GRHL2: variants seen among roughly 807,000 people sequenced by gnomAD.
GRHL2 encodes the protein grainyhead like transcription factor 2, also known as grainyhead-like protein 2 homolog.
A neutral mutation model predicts 83.8 loss-of-function variants in GRHL2; 21 were observed. The ratio of observed to expected loss-of-function variants is 0.25; its 90% confidence interval spans 0.18 to 0.36. GRHL2 has a LOEUF of 0.36. Among genes scored for constraint, GRHL2 ranks in the 10% least tolerant of loss-of-function variants. The pLI is 1.00. For missense variants in GRHL2, 623 were observed against 781.8 expected (o/e 0.80, Z 2.42); for synonymous variants, 280 against 278.9 (o/e 1.00, Z -0.04).
chr8:101,573,580 T>A, intron 5 of GRHL2, 88 bp from the exon 6 acceptor site: 1 of 1,495,096 alleles, frequency 6.7e-7, no homozygotes, highest in Admixed American at 1.7e-5. Flanking sequence ...TGGTTAATGT[T>A]CATGTGAAAT....
intron 8 of GRHL2, among the ~76,000 whole-genome samples, chr8:101,604,174 G>T (rs1812579652): frequency 6.6e-6 from 1 of 152,022 alleles, no homozygotes; most frequent in Non-Finnish European, 1.5e-5. Flanking sequence ...CCATTTACAA[G>T]AATTTTTTAA....
intron 15 of GRHL2, among the ~76,000 whole-genome samples, chr8:101,666,011 T>TGCTA: frequency 6.6e-6 from 1 of 152,362 alleles, no homozygotes; most frequent in South Asian, 2.1e-4. Flanking sequence ...CTCAGCCATG[T>TGCTA]GCTAACTGAA....
intron 7 of GRHL2, among the ~76,000 whole-genome samples, chr8:101,598,219 C>G (rs533258672): frequency 5.3e-5 from 8 of 150,220 alleles, no homozygotes; most frequent in Admixed American, 2.0e-4. Flanking sequence ...TAACTCAACT[C>G]TCCATACCTA....
At chr8:101,645,025 G>T (rs1655531081) in intron 13 of GRHL2, among the ~76,000 whole-genome samples, 1 of 150,282 alleles carries the variant, frequency 6.7e-6, no homozygotes. Flanking sequence ...TCTGTCTAAT[G>T]TTTTATAGAG....
chr8:101,537,547 A>G (rs913739517), intron 1 of GRHL2, among the ~76,000 whole-genome samples: 2 of 152,218 alleles, frequency 1.3e-5, no homozygotes, highest in Admixed American at 6.5e-5. Flanking sequence ...GGAGCGTACT[A>G]CTACTATCTA....
chr8:101,629,304 AT>A (rs5893577), intron 9 of GRHL2, among the ~76,000 whole-genome samples: 40,899 of 147,422 alleles, frequency 0.28, 5,560 homozygotes, highest in South Asian at 0.34. Flanking sequence ...CTCAGTGTGT[AT>A]TTTTTTTTTT....
chr8:101,609,813 T>C (rs1812711691), intron 8 of GRHL2, among the ~76,000 whole-genome samples: 1 of 151,114 alleles, frequency 6.6e-6, no homozygotes, highest in African/African-American at 2.5e-5. Flanking sequence ...GTTGGTTGGC[T>C]GGGAAACAAG....
chr8:101,675,963 G>T, the GRHL2 span, among the ~76,000 whole-genome samples: 17 of 152,136 alleles, frequency 1.1e-4, no homozygotes, highest in Non-Finnish European at 2.4e-4. Flanking sequence ...ATGGAGAAAG[G>T]ATTCCCTATT....
the GRHL2 span, among the ~76,000 whole-genome samples, chr8:101,678,911 A>T: frequency 7.4e-6 from 1 of 135,494 alleles, no homozygotes; most frequent in African/African-American, 2.8e-5. Context: ...CATCCACACC[A>T]AAAACCCATC....
chr8:101,621,484 A>G (rs772694766), intron 9 of GRHL2, among the ~76,000 whole-genome samples: 6 of 151,970 alleles, frequency 3.9e-5, no homozygotes, highest in Admixed American at 6.5e-5. Context: ...AAGCAACACA[A>G]GAGTAAATAA....
At chr8:101,600,690 C>T (rs969651913) in intron 8 of GRHL2, among the ~76,000 whole-genome samples, 1 of 152,170 alleles carries the variant, frequency 6.6e-6, no homozygotes, top group South Asian at 2.1e-4. Context: ...ACACAGATTT[C>T]CAAATGTCTC....
chr8:101,655,467 T>C (rs565703853), intron 14 of GRHL2, among the ~76,000 whole-genome samples: 1 of 152,334 alleles, frequency 6.6e-6, no homozygotes. Context: ...AGGAATGTAA[T>C]TATGGCTTAA....
chr8:101,624,162 T>C (rs901050539), intron 9 of GRHL2, among the ~76,000 whole-genome samples: 2 of 144,800 alleles, frequency 1.4e-5, no homozygotes, highest in African/African-American at 5.4e-5. Context: ...CAGTGCACAG[T>C]AGGACAGTTC....
chr8:101,504,941 C>G (rs10089813), intron 1 of GRHL2, among the ~76,000 whole-genome samples: 2,578 of 150,710 alleles, frequency 0.017, 73 homozygotes, highest in African/African-American at 0.059. Flanking sequence ...AAACTGGCCT[C>G]CCAGAGTCAC....
intron 1 of GRHL2, among the ~76,000 whole-genome samples, chr8:101,498,269 C>T (rs1810148926): frequency 6.6e-6 from 1 of 152,188 alleles, no homozygotes; most frequent in Non-Finnish European, 1.5e-5. Context: ...CAGGTGTGTG[C>T]TGCCACGCTC....
At chr8:101,604,883 A>G (rs191794555) in intron 8 of GRHL2, among the ~76,000 whole-genome samples, 33 of 152,288 alleles carry the variant, frequency 2.2e-4, no homozygotes, top group Non-Finnish European at 3.7e-4. Flanking sequence ...CTGATCTCCC[A>G]GGGTTGTTCT....
intron 1 of GRHL2, among the ~76,000 whole-genome samples, chr8:101,503,073 TCTC>T (rs1163498689): frequency 6.6e-6 from 1 of 152,186 alleles, no homozygotes; most frequent in African/African-American, 2.4e-5. Flanking sequence ...GGGAATAAAA[TCTC>T]CTCTGGTATC....
At chr8:101,629,009 T>C (rs1437980978) in intron 9 of GRHL2, among the ~76,000 whole-genome samples, 1 of 152,154 alleles carries the variant, frequency 6.6e-6, no homozygotes, top group African/African-American at 2.4e-5. Flanking sequence ...ATTTAGAATA[T>C]TACATAAACT....
chr8:101,591,837 C>T (rs1440565950), intron 7 of GRHL2, among the ~76,000 whole-genome samples: 1 of 152,132 alleles, frequency 6.6e-6, no homozygotes, highest in Admixed American at 6.6e-5. Context: ...AGGGCATTTG[C>T]ATTTTAATGC....
Sources: allele counts gnomAD v4.1 joint callset (sites outside exome capture counted in the v4.1 genomes callset), GRCh38; gene constraint gnomAD v4.1.1; transcripts MANE v1.5; gene names NCBI Gene and HGNC (gene_info 2026-07-23, HGNC 2026-07-21).